NUSAP1: variants seen among roughly 807,000 people sequenced by gnomAD.
The protein encoded by NUSAP1 is nucleolar and spindle associated protein 1, also known as nucleolar and spindle-associated protein 1.
A neutral mutation model predicts 52.8 loss-of-function variants in NUSAP1; 32 were observed. The observed-to-expected ratio is 0.61, with a 90% CI of 0.46 to 0.81. The LOEUF is 0.81. Among genes scored for constraint, NUSAP1 ranks in the 40% least tolerant of loss-of-function variants. NUSAP1 has a pLI of 0.00. For synonymous variants in NUSAP1, 195 were observed against 183.1 expected, an observed-to-expected ratio of 1.06 and a Z score of -0.52; for missense variants, 499 against 522.3, an observed-to-expected ratio of 0.96 and a Z score of 0.43.
At chr15:41,380,044 T>C (rs1401567816) in intron 10 of NUSAP1, 49 bp from the exon 11 acceptor site, 1 of 1,347,846 alleles carries the variant, frequency 7.4e-7, no homozygotes, top group African/African-American at 1.5e-5. Context: ...CTTTAAAGTA[T>C]CTGTTTTGGA....
At chr15:41,375,460 G>A (rs79049654) in intron 8 of NUSAP1, among the ~76,000 whole-genome samples, 2,350 of 152,166 alleles carry the variant, frequency 0.015, 71 homozygotes, top group African/African-American at 0.054. Flanking sequence ...ACAGGTGTGA[G>A]CCACCACACC....
At chr15:41,364,368 A>G (rs978496908) in intron 6 of NUSAP1, among the ~76,000 whole-genome samples, 1 of 151,936 alleles carries the variant, frequency 6.6e-6, no homozygotes, top group Non-Finnish European at 1.5e-5. Flanking sequence ...CAACACAGTG[A>G]AACCCCGTCT....
intron 7 of NUSAP1, 105 bp from the exon 8 acceptor site, chr15:41,371,422 G>A: frequency 2.3e-6 from 2 of 868,780 alleles, no homozygotes; most frequent in Non-Finnish European, 3.4e-6. Flanking sequence ...TATTAATTGA[G>A]GCCCTTTTCA....
chr15:41,367,159 A>G (rs1303784273), intron 7 of NUSAP1, among the ~76,000 whole-genome samples: 1 of 152,168 alleles, frequency 6.6e-6, no homozygotes, highest in African/African-American at 2.4e-5. Flanking sequence ...GCTGCTTACA[A>G]CGCTGCCTCT....
intron 7 of NUSAP1, among the ~76,000 whole-genome samples, chr15:41,369,911 C>G (rs1274110116): frequency 6.7e-6 from 1 of 149,782 alleles, no homozygotes; most frequent in East Asian, 2.0e-4. Flanking sequence ...GCTAAAAATA[C>G]AAAACAATTA....
chr15:41,375,865 A>G (rs1445971703), intron 9 of NUSAP1, 37 bp downstream of exon 9: 2 of 1,406,610 alleles, frequency 1.4e-6, no homozygotes, highest in Middle Eastern at 1.8e-4. Flanking sequence ...GGCCTGTAAA[A>G]TACTTAAGAT....
In NUSAP1 at chr15:41,375,709, T is replaced by C. The variant is rs1343378682; in HGVS notation, c.1007-3T>C. ...CTCTTGGGTTTTTTCGGTGTGTTTT[T>C]AGTTATTACCCCATTCAAGTTGACA... On this transcript the variant is annotated splice_region_variant and splice_polypyrimidine_tract_variant and intron_variant, in intron 8 of 10. Transcript: ENST00000559596. 1 of 1,592,448 alleles carries C rather than the reference T, an allele frequency of 6.3e-7. No individual in the cohort carries two copies. The highest frequency in any genetic ancestry group is 8.6e-7 in the Non-Finnish European group (1 of 1,160,488).
intron 1 of NUSAP1, among the ~76,000 whole-genome samples, chr15:41,340,889 G>T (rs1281775614): frequency 6.6e-6 from 1 of 152,136 alleles, no homozygotes; most frequent in Admixed American, 6.6e-5. Context: ...AAAAGCTTGA[G>T]CACAAACCAA....
chr15:41,349,030 A>G (rs1461781047), intron 2 of NUSAP1, 68 bp from the exon 3 acceptor site: 7 of 1,476,256 alleles, frequency 4.7e-6, no homozygotes, highest in East Asian at 2.3e-5. Flanking sequence ...TTCTGTCTCA[A>G]TTCTGATTCT....
At chr15:41,341,673 A>C (rs1362456434) in intron 1 of NUSAP1, among the ~76,000 whole-genome samples, 1 of 152,182 alleles carries the variant, frequency 6.6e-6, no homozygotes, top group Non-Finnish European at 1.5e-5. Context: ...ATACTGCCTT[A>C]GCCCCGCTCC....
At chr15:41,335,778 A>G (rs2048102720) in intron 1 of NUSAP1, among the ~76,000 whole-genome samples, 1 of 145,706 alleles carries the variant, frequency 6.9e-6, no homozygotes, top group Non-Finnish European at 1.5e-5. Context: ...CGGTATAAAT[A>G]TACTAATATA....
At chr15:41,370,549 G>C (rs1019991775) in intron 7 of NUSAP1, among the ~76,000 whole-genome samples, 8 of 151,942 alleles carry the variant, frequency 5.3e-5, no homozygotes, top group Non-Finnish European at 1.0e-4. Flanking sequence ...TCAGGAGTTT[G>C]AGACCAGCCT....
At chr15:41,359,277 A>C (rs1002329751) in intron 6 of NUSAP1, among the ~76,000 whole-genome samples, 3 of 152,056 alleles carry the variant, frequency 2.0e-5, no homozygotes, top group African/African-American at 7.2e-5. Flanking sequence ...ATTTATTTCT[A>C]TTCGCTGTAT....
chr15:41,380,259 G>C lies in NUSAP1; in HGVS notation c.*73G>C. 1 of 942,768 alleles carries C rather than the reference G, an allele frequency of 1.1e-6. No individual in the cohort carries two copies. The highest frequency in any genetic ancestry group is 1.6e-6 in the Non-Finnish European group (1 of 618,696). 58.4% of individuals were successfully genotyped at this position (942,768 alleles called of 1,614,324 possible). On this transcript the variant is annotated 3_prime_UTR_variant, in exon 11 of 11. Transcript: ENST00000559596. ...CTTTTGTAAATTTTTTTTTTTTGCTGTCATCCCCACTTTAGTCACGAGATC... is the reference window on the plus strand; with the variant it reads ...CTTTTGTAAATTTTTTTTTTTTGCTCTCATCCCCACTTTAGTCACGAGATC...
chr15:41,368,491 A>G (rs568742251), intron 7 of NUSAP1, among the ~76,000 whole-genome samples: 1 of 152,286 alleles, frequency 6.6e-6, no homozygotes, highest in African/African-American at 2.4e-5. Flanking sequence ...GAACTACAGT[A>G]TCATCACTAT....
intron 4 of NUSAP1, chr15:41,352,064 C>T (rs2048797998): frequency 6.6e-6 from 1 of 152,218 alleles, no homozygotes; most frequent in South Asian, 2.1e-4. Flanking sequence ...CAGCCTCAGC[C>T]TCCCAAGTAG....
At chr15:41,377,438 G>A (rs929300473) in intron 10 of NUSAP1, 134 bp downstream of exon 10, 64 of 488,192 alleles carry the variant, frequency 1.3e-4, no homozygotes, top group African/African-American at 3.9e-4. Context: ...GGTGGCTCAC[G>A]CCTGTAATCC....
chr15:41,367,198 T>A (rs953683583), intron 7 of NUSAP1, among the ~76,000 whole-genome samples: 1 of 152,180 alleles, frequency 6.6e-6, no homozygotes, highest in Admixed American at 6.6e-5. Flanking sequence ...ACAGGGGCGT[T>A]GAGCAGGTCA....
chr15:41,378,899 C>CA (rs538916330), intron 10 of NUSAP1, among the ~76,000 whole-genome samples: 4,636 of 87,430 alleles, frequency 0.053, 161 homozygotes, highest in Middle Eastern at 0.14. Context: ...TTAGACAAAC[C>CA]AAAAAAAAAA....
Sources: gnomAD v4.1 joint callset for allele counts (sites outside exome capture counted in the v4.1 genomes callset) on GRCh38, gnomAD v4.1.1 for gene constraint, MANE v1.5 for transcripts, NCBI Gene and HGNC (gene_info 2026-07-23, HGNC 2026-07-21) for gene names.